Variants in TBL1XR1 observed in about 807,000 individuals in gnomAD.
TBL1XR1 encodes F-box-like/WD repeat-containing protein TBL1XR1.
A neutral mutation model predicts 66.9 loss-of-function variants in TBL1XR1; 5 were observed. The observed-to-expected ratio is 0.07, with a 90% confidence interval of 0.04 to 0.16. TBL1XR1 has a LOEUF of 0.16. TBL1XR1 is among the 10% of genes least tolerant of loss of function. The pLI, the probability that TBL1XR1 is intolerant of heterozygous loss-of-function variation, is 1.00. For synonymous variants in TBL1XR1, 210 were observed against 206.0 expected (o/e 1.02, Z -0.17); for missense variants, 238 against 623.2 (o/e 0.38, Z 6.58).
intron 1 of TBL1XR1, among the ~76,000 whole-genome samples, chr3:177,127,668 T>C (rs1727805434): frequency 6.6e-6 from 1 of 152,218 alleles, no homozygotes; most frequent in Non-Finnish European, 1.5e-5. Flanking sequence ...TAATCTTCAA[T>C]GGACCTGAAA....
chr3:177,199,756 CT>C (rs1285962810), upstream of TBL1XR1, among the ~76,000 whole-genome samples: 1 of 152,120 alleles, frequency 6.6e-6, no homozygotes, highest in African/African-American at 2.4e-5. Context: ...ACCAAGCTGC[CT>C]CCTAAAGTTG....
At chr3:177,025,566 T>C (rs752341502) in intron 15 of TBL1XR1, 42 bp from the exon 16 acceptor site, 13 of 1,584,676 alleles carry the variant, frequency 8.2e-6, no homozygotes, top group Non-Finnish European at 1.0e-5. Context: ...TTCAGAATTT[T>C]ATTGTACATT....
intron 1 of TBL1XR1, among the ~76,000 whole-genome samples, chr3:177,163,278 G>A (rs12495803): frequency 0.032 from 4,866 of 152,178 alleles, 218 homozygotes; most frequent in African/African-American, 0.099. Context: ...AGGCCAAGGC[G>A]GGCAGATCAC....
chr3:177,026,298 T>C lies in TBL1XR1; in HGVS notation c.1518+75A>G, dbSNP rs1713114683. 9.5e-6 allele frequency: 11 copies of C among 1,155,568 alleles called. No homozygotes were observed. In the South Asian group the frequency reaches 1.5e-4, roughly 15 times the overall value. The allele number at this position is 1,155,568 out of a possible 1,614,324, so 71.6% of individuals were successfully genotyped here. A position where few individuals can be genotyped will look rare whatever the true frequency, so the allele number is the denominator to read the frequency against. On this transcript the variant is annotated intron_variant, in intron 15 of 15. Transcript: ENST00000457928. ...ATTTATTTTGAAAAAAACACTTTGG[T>C]ATCACTAACAATAAGCTGCATTCTG... is the stretch of plus-strand genomic sequence containing the variant.
chr3:177,139,149 T>C (rs528753102), intron 1 of TBL1XR1, among the ~76,000 whole-genome samples: 37 of 152,138 alleles, frequency 2.4e-4, no homozygotes, highest in Non-Finnish European at 4.9e-4. Flanking sequence ...TCATAGGGAC[T>C]CAAAAAACAC....
chr3:177,051,471 T>C lies in TBL1XR1; in HGVS notation c.427+33A>G, dbSNP rs1458248969. The C allele has an allele frequency of 3.2e-6, 5 of 1,549,868 alleles. No individual in the cohort carries two copies. The East Asian group carries it at 6.8e-5, about 21-fold the overall frequency. The stretch of plus-strand genomic sequence containing the variant: ...TTTAAAAAAATAAATAAATAAACCA[T>C]GTAATTAAAAAAAAATTCTTGTCTG... On this transcript the variant is annotated intron_variant, in intron 5 of 15. Coordinates refer to ENST00000457928, the MANE Select transcript of TBL1XR1 (RefSeq NM_024665.7).
chr3:177,122,746 A>T (rs539623079), intron 1 of TBL1XR1, among the ~76,000 whole-genome samples: 2 of 152,300 alleles, frequency 1.3e-5, no homozygotes, highest in African/African-American at 4.8e-5. Flanking sequence ...ATCAAAGCAC[A>T]GAAGATCACA....
chr3:177,068,919 C>T (rs1036170558), intron 2 of TBL1XR1, among the ~76,000 whole-genome samples: 2 of 152,206 alleles, frequency 1.3e-5, no homozygotes, highest in Non-Finnish European at 2.9e-5. Flanking sequence ...ATCGAAATTA[C>T]TTTATCTTAC....
Position 177,113,283 on chromosome 3 carries a change from G to A in TBL1XR1, c.-121-14742C>T, listed in dbSNP as rs1725883707. Among the ~76,000 whole-genome samples, 6 of 152,192 alleles carry A rather than the reference G, an allele frequency of 3.9e-5. No individual in the cohort carries two copies. The South Asian group carries it at 1.2e-3, about 32-fold the overall frequency. On this transcript the variant is annotated intron_variant, in intron 1 of 15. Coordinates refer to ENST00000457928, the MANE Select transcript of TBL1XR1 (RefSeq NM_024665.7). ...AGAAAATTACTAAAAGAAAACTCAA[G>A]AGGAACACTTCCTGACAGCAATCTG...
chr3:177,188,710 TCCCTCAA>T (rs1435378560), intron 1 of TBL1XR1, among the ~76,000 whole-genome samples: 2 of 152,174 alleles, frequency 1.3e-5, no homozygotes, highest in Non-Finnish European at 2.9e-5. Context: ...TCCTCCCTCA[TCCCTCAA>T]ACCTATTCAT....
At chr3:177,098,768 G>A (rs1183282054) in intron 1 of TBL1XR1, among the ~76,000 whole-genome samples, 1 of 152,090 alleles carries the variant, frequency 6.6e-6, no homozygotes, top group African/African-American at 2.4e-5. Flanking sequence ...TGAACAAAAT[G>A]AGACTCAAAG....
At chr3:177,168,768 T>G (rs1175064989) in intron 1 of TBL1XR1, among the ~76,000 whole-genome samples, 1 of 152,186 alleles carries the variant, frequency 6.6e-6, no homozygotes, top group Non-Finnish European at 1.5e-5. Context: ...AAATAAAAAT[T>G]CAATCATTTC....
At chr3:177,164,646 C>A (rs1216582657) in intron 1 of TBL1XR1, among the ~76,000 whole-genome samples, 1 of 152,128 alleles carries the variant, frequency 6.6e-6, no homozygotes, top group Non-Finnish European at 1.5e-5. Context: ...CTGCGCCCAG[C>A]CTACTTCTAA....
At chr3:177,185,032 G>C (rs1404524230) in intron 1 of TBL1XR1, among the ~76,000 whole-genome samples, 1 of 151,952 alleles carries the variant, frequency 6.6e-6, no homozygotes, top group Non-Finnish European at 1.5e-5. Flanking sequence ...CAAATCCAAA[G>C]AAATAAAGTT....
intron 1 of TBL1XR1, among the ~76,000 whole-genome samples, chr3:177,169,398 A>T (rs1733200108): frequency 6.6e-6 from 1 of 152,256 alleles, no homozygotes; most frequent in African/African-American, 2.4e-5. Flanking sequence ...AAAAACAATC[A>T]GATTGACATT....
At chr3:177,168,475 T>C (rs1000094933) in intron 1 of TBL1XR1, among the ~76,000 whole-genome samples, 1 of 151,138 alleles carries the variant, frequency 6.6e-6, no homozygotes, top group Non-Finnish European at 1.5e-5. Context: ...AGAGGCGGGG[T>C]TTCACCATAT....
chr3:177,030,410 G>A (rs1240879461), intron 14 of TBL1XR1, among the ~76,000 whole-genome samples: 1 of 151,886 alleles, frequency 6.6e-6, no homozygotes, highest in Non-Finnish European at 1.5e-5. Context: ...AAAAACACTA[G>A]CTTGAAAAGA....
chr3:177,028,726 C>T (rs938375359), intron 14 of TBL1XR1, among the ~76,000 whole-genome samples: 2 of 152,084 alleles, frequency 1.3e-5, no homozygotes, highest in African/African-American at 4.8e-5. Flanking sequence ...AAATTGTGTG[C>T]TCTGTTTTGG....
chr3:177,147,222 G>T (rs1012962785), intron 1 of TBL1XR1, among the ~76,000 whole-genome samples: 12 of 151,700 alleles, frequency 7.9e-5, no homozygotes, highest in Non-Finnish European at 1.6e-4. Context: ...AACATTTTTG[G>T]TTTTTTTATA....
Sources: allele counts gnomAD v4.1 joint callset (sites outside exome capture counted in the v4.1 genomes callset), GRCh38; gene constraint gnomAD v4.1.1; transcripts MANE v1.5; gene names NCBI Gene and HGNC (gene_info 2026-07-23, HGNC 2026-07-21).